Variants in CSMD2 observed in about 807,000 individuals in gnomAD.
CSMD2 encodes the protein CUB and Sushi multiple domains 2, also known as CUB and sushi domain-containing protein 2.
Under a neutral mutation model 398.5 loss-of-function variants are expected in CSMD2, and 130 were observed. The ratio of observed to expected loss-of-function variants is 0.33; its 90% CI spans 0.28 to 0.38. The LOEUF (loss-of-function observed/expected upper bound fraction) is 0.38, where lower values mean the gene tolerates loss of function less well. Among genes scored for constraint, CSMD2 ranks in the 10% least tolerant of loss-of-function variants. CSMD2 has a pLI of 1.00. For synonymous variants in CSMD2, 1,828 were observed against 1,908.5 expected, an observed-to-expected ratio of 0.96 and a Z score of 1.10; for missense variants, 3,829 against 4,764.9, an observed-to-expected ratio of 0.80 and a Z score of 5.78.
chr1:33,580,841 C>A lies in CSMD2; in HGVS notation c.7299G>T (p.Leu2433=), dbSNP rs758313108. The change falls in exon 48 of 71, where the codon CTG becomes CTT. Residue 2433 remains leucine, a synonymous_variant. Transcript: ENST00000373381. ...CAGAGTTGCTTGAGCTGGTGACAATCAGGGGAGCTGAGTAATTCCCACTGA... is the reference window on the plus strand; with the variant it reads ...CAGAGTTGCTTGAGCTGGTGACAATAAGGGGAGCTGAGTAATTCCCACTGA... ...KALSGNYSAP[L]IVTSSSNSVY... The A allele has an allele frequency of 6.8e-6, 11 of 1,614,102 alleles. No homozygotes were observed. Among genetic ancestry groups the A allele is most frequent in the Middle Eastern group, 1.6e-4 (1 of 6,062 alleles).
intron 32 of CSMD2, among the ~76,000 whole-genome samples, chr1:33,629,131 C>T (rs1642313659): frequency 6.7e-6 from 1 of 148,760 alleles, no homozygotes; most frequent in African/African-American, 2.5e-5. Context: ...ATAAATACAA[C>T]CAGAAAAGTA....
At chr1:33,571,857 G>T in intron 50 of CSMD2, 131 bp from the exon 51 acceptor site, 1 of 666,638 alleles carries the variant, frequency 1.5e-6, no homozygotes, top group Non-Finnish European at 2.1e-6. Context: ...CAGTTCTCAG[G>T]CAGGTTTGGT....
chr1:33,515,404 G>A lies in CSMD2; in HGVS notation c.*1220C>T, dbSNP rs1429000640. On this transcript the variant is annotated 3_prime_UTR_variant, in exon 71 of 71. Transcript: ENST00000373381. ...GCCTGGCTTTCCAGACCTGGCCACA[G>A]TGCTACTGTAGAGATTCATCGGCTC... 1 of 152,298 alleles carries A rather than the reference G, an allele frequency of 6.6e-6. No homozygotes were observed. The highest frequency in any genetic ancestry group is 2.4e-5 in the African/African-American group (1 of 41,462). The allele number at this position is 152,298 out of a possible 1,614,324, so 9.4% of individuals were successfully genotyped here. A position where few individuals can be genotyped will look rare whatever the true frequency, so the allele number is the denominator to read the frequency against.
rs143978996 is a variant in CSMD2, at chr1:33,525,699, G to A, written c.10235-656C>T. 1.7e-3 allele frequency among the ~76,000 whole-genome samples: 266 copies of A among 152,174 alleles called. 1 individual carries two copies. The highest frequency in any genetic ancestry group is 5.8e-3 in the African/African-American group (240 of 41,514). On this transcript the variant is annotated intron_variant, in intron 65 of 70. Coordinates refer to ENST00000373381, the MANE Select transcript of CSMD2 (RefSeq NM_001281956.2). ...AAATTGCTGAAAGAGTAGTTTTTTC[G>A]TTGAGATGGAGTTTTGCTATTGTTG...
At chr1:33,787,301 C>G (rs1472176979) in intron 12 of CSMD2, among the ~76,000 whole-genome samples, 1 of 152,170 alleles carries the variant, frequency 6.6e-6, no homozygotes, top group Non-Finnish European at 1.5e-5. Context: ...ACGAATACAC[C>G]TCCTGTGTAC....
chr1:33,586,658 C>T (rs1557579782), intron 45 of CSMD2, 41 bp from the exon 46 acceptor site: 1 of 1,332,906 alleles, frequency 7.5e-7, no homozygotes, highest in Non-Finnish European at 1.1e-6. Context: ...CTTAAGAAGT[C>T]CAGTCATTAG....
intron 10 of CSMD2, among the ~76,000 whole-genome samples, chr1:33,805,926 A>G (rs969678826): frequency 6.6e-6 from 1 of 152,048 alleles, no homozygotes; most frequent in African/African-American, 2.4e-5. Context: ...TGAGTAGACT[A>G]CATTAGTGTA....
Position 33,714,588 on chromosome 1 carries a change from A to G in CSMD2, c.3405T>C (p.Val1135=). The stretch of plus-strand genomic sequence containing the variant: ...AAATGAAAGCACGTGACCACCTACC[A>G]ACACACCTTGGCAGAGGCGAGCTCC... The part of the protein sequence containing the change: ...RLWSSPLPRC[V]AECGNSVTGT... The change falls in exon 21 of 71, where the codon GTT becomes GTC. Residue 1135 remains valine (V), a splice_region_variant and synonymous_variant. Coordinates refer to ENST00000373381, the MANE Select transcript of CSMD2 (RefSeq NM_001281956.2). 6.2e-7 allele frequency: 1 copy of G among 1,613,542 alleles called. No homozygotes were observed. The highest frequency in any genetic ancestry group is 8.5e-7 in the Non-Finnish European group (1 of 1,179,812).
chr1:33,625,324 G>T lies in CSMD2; in HGVS notation c.5297-70C>A, dbSNP rs531143749. 4.9e-6 allele frequency: 7 copies of T among 1,423,074 alleles called. No individual in the cohort carries two copies. The East Asian group carries it at 1.7e-4, about 35-fold the overall frequency. 88.2% of individuals were successfully genotyped at this position (1,423,074 alleles called of 1,614,324 possible). A position where few individuals can be genotyped will look rare whatever the true frequency, so the allele number is the denominator to read the frequency against. ...ACTGGCCCAGGGACGGACATACAAC[G>T]GGTCTGGAACAAAGACCGTCTGGAT... On this transcript the variant is annotated intron_variant, in intron 33 of 70. Coordinates refer to ENST00000373381, the MANE Select transcript of CSMD2 (RefSeq NM_001281956.2).
At chr1:33,935,979 A>T in intron 3 of CSMD2, 25 bp from the exon 4 acceptor site, 1 of 1,586,604 alleles carries the variant, frequency 6.3e-7, no homozygotes, top group Non-Finnish European at 8.6e-7. Context: ...AGAGAAAGAG[A>T]CGGGTACCCC....
chr1:33,780,998 G>A (rs1232292782), intron 12 of CSMD2, among the ~76,000 whole-genome samples: 2 of 152,206 alleles, frequency 1.3e-5, no homozygotes, highest in Non-Finnish European at 2.9e-5. Context: ...GGAGTGGTGA[G>A]TGATGCTGGT....
chr1:33,629,608 T>C (rs1292389083), intron 32 of CSMD2, among the ~76,000 whole-genome samples: 4 of 152,152 alleles, frequency 2.6e-5, no homozygotes, highest in Non-Finnish European at 5.9e-5. Context: ...TAGCGGTCCT[T>C]AAGCTTTTTC....
chr1:33,851,626 C>A (rs1638714590), intron 5 of CSMD2, among the ~76,000 whole-genome samples: 1 of 152,150 alleles, frequency 6.6e-6, no homozygotes, highest in African/African-American at 2.4e-5. Flanking sequence ...AGTCCCAAGG[C>A]CCTTGTTTGA....
chr1:34,004,417 G>A (rs905945324), intron 3 of CSMD2, among the ~76,000 whole-genome samples: 1 of 152,156 alleles, frequency 6.6e-6, no homozygotes, highest in Non-Finnish European at 1.5e-5. Context: ...TAGCCAGCTT[G>A]CTAGAGCATT....
chr1:34,009,153 C>T (rs1218044959), intron 3 of CSMD2, among the ~76,000 whole-genome samples: 1 of 152,212 alleles, frequency 6.6e-6, no homozygotes, highest in African/African-American at 2.4e-5. Flanking sequence ...ATCCTTTTCT[C>T]TTTTTTCCAG....
chr1:33,764,520 A>G (rs946647492), intron 13 of CSMD2, among the ~76,000 whole-genome samples: 2 of 152,220 alleles, frequency 1.3e-5, no homozygotes, highest in Non-Finnish European at 2.9e-5. Context: ...AGGACTGGAT[A>G]ACAGAGGGAG....
chr1:33,772,285 T>C, intron 13 of CSMD2: 1 of 294,024 alleles, frequency 3.4e-6, no homozygotes, highest in South Asian at 7.1e-5. Context: ...GTGGGCTTTG[T>C]CCCAGTGGTG....
intron 3 of CSMD2, among the ~76,000 whole-genome samples, chr1:33,974,491 T>C (rs926440652): frequency 1.3e-5 from 2 of 152,182 alleles, no homozygotes; most frequent in Admixed American, 6.5e-5. Flanking sequence ...GTTAAGTGCT[T>C]TATATATTGC....
At position 34,147,212 on chromosome 1, in the gene CSMD2, C is replaced by T. The variant is rs373513419; in HGVS notation, c.187+17699G>A. Among the ~76,000 whole-genome samples the T allele has an allele frequency of 8.6e-5, 13 of 151,952 alleles. No individual in the cohort carries two copies. The Middle Eastern group carries it at 0.01, about 119-fold the overall frequency. On this transcript the variant is annotated intron_variant, in intron 1 of 70. Coordinates refer to ENST00000373381, the MANE Select transcript of CSMD2 (RefSeq NM_001281956.2). ...GGCAGAGCTTGCAGTGAGCCGAGAT[C>T]GTGCCACTGCACTCCAGCCTGGGTG... is the stretch of plus-strand genomic sequence containing the variant.
Sources: gnomAD v4.1 joint callset for allele counts (sites outside exome capture counted in the v4.1 genomes callset) on GRCh38, gnomAD v4.1.1 for gene constraint, MANE v1.5 for transcripts, NCBI Gene and HGNC (gene_info 2026-07-23, HGNC 2026-07-21) for gene names.